The following NUBPL variants were observed in gnomAD, a reference collection of about 807,000 sequenced individuals.
The protein encoded by NUBPL is iron-sulfur cluster transfer protein NUBPL.
Under a neutral mutation model 45.7 loss-of-function variants are expected in NUBPL, and 31 were observed. The ratio of observed to expected loss-of-function variants is 0.68; its 90% CI spans 0.51 to 0.92. The LOEUF is 0.92. Among genes scored for constraint, NUBPL ranks in the 40% least tolerant of loss-of-function variants. The probability of loss-of-function intolerance (pLI) is 0.00; values close to 1 mark genes in which losing one functional copy is unlikely to be tolerated. For missense variants in NUBPL, 401 were observed against 398.7 expected, an observed-to-expected ratio of 1.01 and a Z score of -0.05; for synonymous variants, 144 against 140.9, an observed-to-expected ratio of 1.02 and a Z score of -0.15.
At chr14:31,744,009 G>GAA (rs1430007181) in intron 6 of NUBPL, among the ~76,000 whole-genome samples, 1 of 152,184 alleles carries the variant, frequency 6.6e-6, no homozygotes, top group Admixed American at 6.5e-5. Flanking sequence ...TATATTAGAT[G>GAA]AATGCTGAAG....
chr14:31,634,666 T>C lies in NUBPL; in HGVS notation c.382+35287T>C, dbSNP rs1237264289. ...CTAGATCCCTGAGGAATCGCCACACTGACTTCCACAATGGTTGAACCAGTT... is the reference window on the plus strand; with the variant it reads ...CTAGATCCCTGAGGAATCGCCACACCGACTTCCACAATGGTTGAACCAGTT... On this transcript the variant is annotated intron_variant, in intron 4 of 10. Transcript: ENST00000281081. 2.4e-3 allele frequency among the ~76,000 whole-genome samples: 359 copies of C among 152,308 alleles called. 2 individuals carry two copies. The highest frequency in any genetic ancestry group is 8.5e-3 in the African/African-American group (353 of 41,564).
At chr14:31,613,509 TG>T in intron 4 of NUBPL, among the ~76,000 whole-genome samples, 1 of 151,890 alleles carries the variant, frequency 6.6e-6, no homozygotes, top group Non-Finnish European at 1.5e-5. Context: ...TGGAGTGCAG[TG>T]GTGCGATCTC....
intron 7 of NUBPL, among the ~76,000 whole-genome samples, chr14:31,825,722 CCTT>C (rs952472117): frequency 1.3e-5 from 2 of 148,162 alleles, no homozygotes; most frequent in East Asian, 3.9e-4. Context: ...TTTTTCCTCT[CCTT>C]CATCATCTTC....
intron 6 of NUBPL, among the ~76,000 whole-genome samples, chr14:31,767,346 G>T (rs1316991601): frequency 6.6e-6 from 1 of 152,224 alleles, no homozygotes; most frequent in South Asian, 2.1e-4. Context: ...AGGACTACAG[G>T]CGCCCGCCAC....
Position 31,588,913 on chromosome 14 carries a change from CAA to C in NUBPL, c.292-10360_292-10359del, listed in dbSNP as rs5807627. Among the ~76,000 whole-genome samples, 408 of 121,750 alleles carry C rather than the reference CAA, an allele frequency of 3.4e-3. 3 individuals are homozygous for C. The highest frequency in any genetic ancestry group is 0.01 in the African/African-American group (283 of 27,414). 79.9% of individuals were successfully genotyped at this position (121,750 alleles called of 152,430 possible). On this transcript the variant is annotated intron_variant, in intron 3 of 10. Coordinates refer to ENST00000281081, the MANE Select transcript of NUBPL (RefSeq NM_025152.3). ...TGGGCAACAGAGTGAGACTCCGTCT[CAA>C]AAAAAAAAAAAAAAATAGTAATTAC... is the stretch of plus-strand genomic sequence containing the variant.
intron 6 of NUBPL, among the ~76,000 whole-genome samples, chr14:31,702,714 G>T (rs1333231343): frequency 6.6e-6 from 1 of 152,124 alleles, no homozygotes; most frequent in Non-Finnish European, 1.5e-5. Context: ...TACTAGGATG[G>T]TTTTTTAAAA....
At position 31,860,854 on chromosome 14, in the gene NUBPL, G is replaced by T. The variant is rs1413065080; in HGVS notation, c.*1674G>T. On this transcript the variant is annotated 3_prime_UTR_variant, in exon 11 of 11. Coordinates refer to ENST00000281081, the MANE Select transcript of NUBPL (RefSeq NM_025152.3). Reference sequence around the variant, plus strand: ...ACAGGCAGCAACTTATAATTCCAGAGAATTATGCTGAATGAAAAAGGCCAA... The same window carrying T: ...ACAGGCAGCAACTTATAATTCCAGATAATTATGCTGAATGAAAAAGGCCAA... 6.6e-6 allele frequency: 1 copy of T among 152,112 alleles called. No individual in the cohort carries two copies. Among genetic ancestry groups the T allele is most frequent in the African/African-American group, 2.4e-5 (1 of 41,412 alleles). The allele number at this position is 152,112 out of a possible 1,614,324, so 9.4% of individuals were successfully genotyped here.
chr14:31,578,693 T>C (rs2139485264), intron 3 of NUBPL, among the ~76,000 whole-genome samples: 1 of 152,328 alleles, frequency 6.6e-6, no homozygotes, highest in African/African-American at 2.4e-5. Flanking sequence ...AATGGATTGC[T>C]GAAGAAGCTT....
intron 4 of NUBPL, among the ~76,000 whole-genome samples, chr14:31,629,474 T>C (rs2035288098): frequency 6.6e-6 from 1 of 152,210 alleles, no homozygotes; most frequent in Non-Finnish European, 1.5e-5. Context: ...GTAAAACTTC[T>C]ATTTTTACAA....
intron 4 of NUBPL, among the ~76,000 whole-genome samples, chr14:31,668,853 C>T (rs2036502246): frequency 6.6e-6 from 1 of 152,130 alleles, no homozygotes; most frequent in Non-Finnish European, 1.5e-5. Flanking sequence ...CTTCTGCCTA[C>T]CCTCAGTGGG....
intron 8 of NUBPL, among the ~76,000 whole-genome samples, chr14:31,830,265 G>C (rs73259017): frequency 0.038 from 5,823 of 152,198 alleles, 262 homozygotes; most frequent in African/African-American, 0.11. Context: ...TATAAGCAAA[G>C]TGCTATAATA....
chr14:31,825,860 A>G (rs879497929), intron 7 of NUBPL, among the ~76,000 whole-genome samples: 2 of 94,936 alleles, frequency 2.1e-5, no homozygotes, highest in East Asian at 2.8e-4. Flanking sequence ...TTTTTCTTCC[A>G]TTTTTTTTTT....
chr14:31,697,334 A>G (rs1403568059), intron 6 of NUBPL, among the ~76,000 whole-genome samples: 2 of 152,240 alleles, frequency 1.3e-5, no homozygotes, highest in Non-Finnish European at 2.9e-5. Context: ...TATATTGATC[A>G]AAGGGGAATG....
At chr14:31,673,045 G>A (rs557713800) in intron 4 of NUBPL, among the ~76,000 whole-genome samples, 2 of 152,118 alleles carry the variant, frequency 1.3e-5, no homozygotes, top group Non-Finnish European at 2.9e-5. Context: ...GCGCAGCATG[G>A]TGACTATTGT....
At position 31,712,988 on chromosome 14, in the gene NUBPL, A is replaced by AG. The variant is rs2037611516; in HGVS notation, c.513+39417dup. On this transcript the variant is annotated intron_variant, in intron 6 of 10. Transcript: ENST00000281081. Reference sequence around the variant, plus strand: ...GGAACATAGGAATTAGGGAGGGGTAAGGGAGCAACCTGATGGATGAAGGGT... The same window carrying AG: ...GGAACATAGGAATTAGGGAGGGGTAAGGGGAGCAACCTGATGGATGAAGGGT... 2.6e-5 allele frequency among the ~76,000 whole-genome samples: 4 copies of AG among 152,322 alleles called. No individual in the cohort carries two copies. The South Asian group carries it at 8.3e-4, about 32-fold the overall frequency.
At chr14:31,826,062 A>G (rs1283946063) in intron 7 of NUBPL, among the ~76,000 whole-genome samples, 1 of 152,096 alleles carries the variant, frequency 6.6e-6, no homozygotes, top group Non-Finnish European at 1.5e-5. Context: ...ATGAGAAGAA[A>G]GTTCCACTGA....
chr14:31,667,406 A>G lies in NUBPL; in HGVS notation c.383-5949A>G, dbSNP rs76399928. On this transcript the variant is annotated intron_variant, in intron 4 of 10. Coordinates refer to ENST00000281081, the MANE Select transcript of NUBPL (RefSeq NM_025152.3). ...CTGTGTTTTTCAGCACCATCAGGTC[A>G]TTTATCTTCTTCTCTAAACTGGTTA... is the stretch of plus-strand genomic sequence containing the variant. Among the ~76,000 whole-genome samples the G allele has an allele frequency of 3.1e-3, 471 of 151,964 alleles. 2 individuals are homozygous for G. The highest frequency in any genetic ancestry group is 0.011 in the African/African-American group (438 of 41,450).
At chr14:31,566,635 T>G (rs1595286391) in intron 3 of NUBPL, among the ~76,000 whole-genome samples, 1 of 152,184 alleles carries the variant, frequency 6.6e-6, no homozygotes, top group African/African-American at 2.4e-5. Context: ...CTGGAACCTG[T>G]AAATATGTTA....
At chr14:31,680,981 G>A (rs2036819529) in intron 6 of NUBPL, among the ~76,000 whole-genome samples, 1 of 151,956 alleles carries the variant, frequency 6.6e-6, no homozygotes, top group Non-Finnish European at 1.5e-5. Flanking sequence ...TTAGACTTTT[G>A]CAATAGTGTT....
Sources: allele counts gnomAD v4.1 joint callset (sites outside exome capture counted in the v4.1 genomes callset), GRCh38; gene constraint gnomAD v4.1.1; transcripts MANE v1.5; gene names NCBI Gene and HGNC (gene_info 2026-07-23, HGNC 2026-07-21).